LPO: variants seen among roughly 807,000 people sequenced by gnomAD.
LPO encodes the protein salivary peroxidase.
LPO carries 70 observed loss-of-function variants against 68.4 expected under a neutral mutation model. The observed-to-expected ratio is 1.02, with a 90% CI of 0.84 to 1.25. The LOEUF is 1.25. Ranked by LOEUF, LPO falls within the 50% of genes most tolerant of loss-of-function variation. The pLI is 0.00. For missense variants in LPO, 873 were observed against 908.4 expected (o/e 0.96, Z 0.50); for synonymous variants, 360 against 357.6 (o/e 1.01, Z -0.08).
intron 6 of LPO, 123 bp downstream of exon 6, chr17:58,249,818 T>G (rs1457745373): frequency 2.3e-6 from 3 of 1,319,182 alleles, no homozygotes; most frequent in East Asian, 2.8e-5. Flanking sequence ...GATGGAGATC[T>G]GCACAGACCC....
Position 58,249,160 on chromosome 17 carries a change from G to T in LPO, c.426G>T (p.Thr142=). 6.2e-7 allele frequency: 1 copy of T among 1,614,024 alleles called. No individual in the cohort carries two copies. Among genetic ancestry groups the T allele is most frequent in the African/African-American group, 1.3e-5 (1 of 75,012 alleles). ...CGTGCAGCCCTTACCGCACCATTACGGGAGACTGCAATAACAGGTGGCGGG... is the reference window on the plus strand; with the variant it reads ...CGTGCAGCCCTTACCGCACCATTACTGGAGACTGCAATAACAGGTGGCGGG... ...CDPCSPYRTI[T]GDCNNRRKPA... is the part of the protein sequence containing the mutation. Residue 142 remains threonine (T), a synonymous_variant, in exon 5 of 13, where the codon ACG becomes ACT. Coordinates refer to ENST00000262290, the MANE Select transcript of LPO (RefSeq NM_006151.3).
At position 58,243,325 on chromosome 17, in the gene LPO, C is replaced by G; in HGVS notation, c.76+270C>G. The G allele has an allele frequency of 7.1e-6, 3 of 424,028 alleles. No homozygotes were observed. The South Asian group carries it at 8.5e-5, about 12-fold the overall frequency. The allele number at this position is 424,028 out of a possible 1,614,324, so 26.3% of individuals were successfully genotyped here. On this transcript the variant is annotated intron_variant, in intron 2 of 12. Transcript: ENST00000262290. ...GCCTCAGTCTTTGCGTGGCCTTTTTCACTGGGTGTCCTCTCCTCTTCTCAT... is the reference window on the plus strand; with the variant it reads ...GCCTCAGTCTTTGCGTGGCCTTTTTGACTGGGTGTCCTCTCCTCTTCTCAT...
intron 1 of LPO, among the ~76,000 whole-genome samples, chr17:58,239,953 C>T (rs1598016787): frequency 6.6e-6 from 1 of 152,264 alleles, no homozygotes; most frequent in East Asian, 1.9e-4. Flanking sequence ...TCAGCATGCA[C>T]CCAACACCTA....
At chr17:58,257,281 C>A (rs1341760976) in intron 9 of LPO, among the ~76,000 whole-genome samples, 2 of 152,126 alleles carry the variant, frequency 1.3e-5, no homozygotes, top group Non-Finnish European at 2.9e-5. Context: ...CTCCGCCCCC[C>A]ACAGCCCCTC....
intron 9 of LPO, among the ~76,000 whole-genome samples, chr17:58,259,400 A>G (rs1162704930): frequency 6.6e-6 from 1 of 152,190 alleles, no homozygotes; most frequent in Non-Finnish European, 1.5e-5. Flanking sequence ...ATATTTGGGC[A>G]TATTTACATG....
intron 8 of LPO, among the ~76,000 whole-genome samples, chr17:58,252,750 T>G (rs1969985656): frequency 6.6e-6 from 1 of 151,610 alleles, no homozygotes; most frequent in Non-Finnish European, 1.5e-5. Flanking sequence ...AGTGCCAGGC[T>G]TGGTGGCTCA....
chr17:58,255,630 C>T (rs1392575543), intron 9 of LPO, among the ~76,000 whole-genome samples: 1 of 152,088 alleles, frequency 6.6e-6, no homozygotes, highest in Non-Finnish European at 1.5e-5. Flanking sequence ...GGGAGCCAGG[C>T]GGGCCCCAGT....
At position 58,247,491 on chromosome 17, in the gene LPO, A is replaced by G. The variant is rs947455643; in HGVS notation, c.178A>G (p.Met60Val). The change falls in exon 4 of 13, where the codon ATG (methionine) becomes GTG (valine). Residue 60 changes from methionine to valine, a missense_variant. By Grantham distance (21) the Met-to-Val change is conservative. Transcript: ENST00000262290. ...CCTCCACTGTAGGCTGAAGACCGCCATGAGCTCTGAGACTCCCACCAGCCG... is the reference window on the plus strand; with the variant it reads ...CCTCCACTGTAGGCTGAAGACCGCCGTGAGCTCTGAGACTCCCACCAGCCG... ...LDSRTRLKTA[M>V]SSETPTSRQL... The G allele has an allele frequency of 1.2e-6, 2 of 1,601,320 alleles. No homozygotes were observed. Among genetic ancestry groups the G allele is most frequent in the East Asian group, 2.3e-5 (1 of 43,982 alleles).
chr17:58,251,987 G>A, intron 7 of LPO, 195 bp from the exon 8 acceptor site: 2 of 762,234 alleles, frequency 2.6e-6, no homozygotes, highest in Admixed American at 1.7e-5. Context: ...TCACACAACA[G>A]GATGTAATGA....
At chr17:58,241,980 A>T (rs930041492) in intron 1 of LPO, among the ~76,000 whole-genome samples, 2 of 152,120 alleles carry the variant, frequency 1.3e-5, no homozygotes, top group African/African-American at 4.8e-5. Flanking sequence ...CTGGGGGGCA[A>T]CCTGAGGCTG....
Position 58,252,140 on chromosome 17 carries a change from G to C in LPO, c.781-42G>C, listed in dbSNP as rs370453994. The C allele has an allele frequency of 6.3e-6, 10 of 1,587,664 alleles. No individual in the cohort carries two copies. In the African/African-American group the frequency reaches 6.7e-5, roughly 11 times the overall value. ...GGGGAGAGGTTGCCAGGACCCAGCT[G>C]TTCCACCCCTGCCCAGTCACTTATG... On this transcript the variant is annotated intron_variant, in intron 7 of 12. Transcript: ENST00000262290.
chr17:58,267,791 T>C lies in LPO; in HGVS notation c.1936T>C (p.Trp646Arg). Residue 646 changes from tryptophan (W) to arginine (R), a missense_variant, in exon 13 of 13, where the codon TGG becomes CGG. Coordinates refer to ENST00000262290, the MANE Select transcript of LPO (RefSeq NM_006151.3). The stretch of plus-strand genomic sequence containing the variant: ...ACTCTACTTCTGTCTCTGCAGGTTC[T>C]GGTGGGAAAACCCTGGGGTCTTCAC... The part of the protein sequence containing the change: ...FQQIRDGDRF[W>R]WENPGVFTNE... The C allele has an allele frequency of 1.2e-6, 2 of 1,614,066 alleles. No homozygotes were observed. Among genetic ancestry groups the C allele is most frequent in the Admixed American group, 1.7e-5 (1 of 60,024 alleles).
intron 6 of LPO, 61 bp downstream of exon 6, chr17:58,249,756 A>G: frequency 6.7e-7 from 1 of 1,499,852 alleles, no homozygotes; most frequent in Non-Finnish European, 8.8e-7. Flanking sequence ...TGCACTACCC[A>G]AACACGCAGT....
At chr17:58,239,915 ATTT>A (rs1485207493) in intron 1 of LPO, among the ~76,000 whole-genome samples, 1 of 152,152 alleles carries the variant, frequency 6.6e-6, no homozygotes, top group African/African-American at 2.4e-5. Flanking sequence ...CAGATGCTGA[ATTT>A]CTCTGCTCTA....
At chr17:58,256,016 C>G (rs1257666287) in intron 9 of LPO, among the ~76,000 whole-genome samples, 1 of 152,176 alleles carries the variant, frequency 6.6e-6, no homozygotes, top group Non-Finnish European at 1.5e-5. Flanking sequence ...CACCCTCACC[C>G]CTATATCCCT....
In LPO at chr17:58,267,858, G is replaced by A. The variant is rs1385919434; in HGVS notation, c.2003G>A (p.Arg668His). ...TCTCTACAGAAAATGTCCTTCTCAC[G>A]CCTTGTCTGTGACAACACCCGCATC... Reference protein sequence around the residue: ...KDSLQKMSFSRLVCDNTRITK... With the variant: ...KDSLQKMSFSHLVCDNTRITK... Residue 668 changes from arginine (R) to histidine (H), a missense_variant, in exon 13 of 13, where the codon CGC becomes CAC. Physicochemically the swap from Arg to His is conservative, Grantham distance 29 (BLOSUM62 0). Coordinates refer to ENST00000262290, the MANE Select transcript of LPO (RefSeq NM_006151.3). The A allele has an allele frequency of 3.7e-6, 6 of 1,614,102 alleles. No individual in the cohort carries two copies. The highest frequency in any genetic ancestry group is 2.2e-5 in the East Asian group (1 of 44,872).
chr17:58,257,848 T>C (rs1970100227), intron 9 of LPO, among the ~76,000 whole-genome samples: 1 of 152,236 alleles, frequency 6.6e-6, no homozygotes, highest in Admixed American at 6.5e-5. Flanking sequence ...TGACATAATA[T>C]CTCATTGTAG....
chr17:58,254,137 A>ATAGATATG (rs1189802971), intron 8 of LPO, among the ~76,000 whole-genome samples: 1 of 86,404 alleles, frequency 1.2e-5, no homozygotes, highest in Admixed American at 1.2e-4. Flanking sequence ...TGATAGATAT[A>ATAGATATG]TAGATATATA....
chr17:58,254,710 GGCGGGGC>G, intron 8 of LPO, 94 bp from the exon 9 acceptor site: 2 of 1,153,060 alleles, frequency 1.7e-6, no homozygotes, highest in Non-Finnish European at 2.4e-6. Flanking sequence ...GGGCGGGGGG[GGCGGGGC>G]GCGGTCCTGT....
Sources: gnomAD v4.1 joint callset for allele counts (sites outside exome capture counted in the v4.1 genomes callset) on GRCh38, gnomAD v4.1.1 for gene constraint, MANE v1.5 for transcripts, NCBI Gene and HGNC (gene_info 2026-07-23, HGNC 2026-07-21) for gene names.